Variants in SLC36A1 observed in about 807,000 individuals in gnomAD.
The protein encoded by SLC36A1 is solute carrier family 36 member 1.
A neutral mutation model predicts 47.5 loss-of-function variants in SLC36A1; 30 were observed. That is an observed-to-expected ratio of 0.63 (90% confidence interval 0.47 to 0.86). SLC36A1 has a LOEUF of 0.86. Ranked by LOEUF, SLC36A1 falls within the 40% of genes least tolerant of loss-of-function variation. The pLI is 0.00. For synonymous variants in SLC36A1, 255 were observed against 249.7 expected (o/e 1.02, Z -0.20); for missense variants, 517 against 606.0 (o/e 0.85, Z 1.54).
At chr5:151,528,123 G>A in the SLC36A1 span, 1 of 1,613,994 alleles carries the variant, frequency 6.2e-7, no homozygotes, top group Non-Finnish European at 8.5e-7. Context: ...ATCTTCATCA[G>A]TCGCTGATAC....
intron 10 of SLC36A1, among the ~76,000 whole-genome samples, chr5:151,483,932 G>T (rs1204475350): frequency 6.6e-6 from 1 of 152,200 alleles, no homozygotes; most frequent in Non-Finnish European, 1.5e-5. Flanking sequence ...GCTTTAAGAG[G>T]AGAGAAATGT....
At chr5:151,419,224 A>G in the SLC36A1 span, among the ~76,000 whole-genome samples, 2 of 152,236 alleles carry the variant, frequency 1.3e-5, no homozygotes, top group Admixed American at 1.3e-4. Context: ...CTAATACACC[A>G]GGAGTTGACC....
At chr5:151,540,216 C>A in the SLC36A1 span, among the ~76,000 whole-genome samples, 508 of 152,260 alleles carry the variant, frequency 3.3e-3, 2 homozygotes, top group African/African-American at 0.011. Flanking sequence ...CTTGGTATAT[C>A]CCTATGGGGG....
chr5:151,534,710 A>G, the SLC36A1 span: 2 of 1,388,634 alleles, frequency 1.4e-6, no homozygotes, highest in Non-Finnish European at 2.0e-6. Flanking sequence ...TGCCCTCTAT[A>G]TATCTACAGG....
chr5:151,488,225 T>G lies in SLC36A1; in HGVS notation c.1402T>G (p.Phe468Val). Residue 468 changes from phenylalanine to valine, a missense_variant, in exon 11 of 11, where the codon TTC becomes GTC. Phe to Val is a conservative substitution (Grantham distance 50, BLOSUM62 -1). Transcript: ENST00000243389. ...GATCCAGCCAAGCAATGCTCCCATC[T>G]TCATCAATTCCACCTGTGCCTTCAT... ...ELIQPSNAPI[F>V]INSTCAFI The G allele has an allele frequency of 6.2e-7, 1 of 1,614,142 alleles. No individual in the cohort carries two copies. The highest frequency in any genetic ancestry group is 1.1e-5 in the South Asian group (1 of 91,080).
intron 10 of SLC36A1, among the ~76,000 whole-genome samples, chr5:151,484,117 C>T (rs1170287974): frequency 1.3e-5 from 2 of 152,138 alleles, no homozygotes; most frequent in Admixed American, 1.3e-4. Context: ...ACTTAACTCC[C>T]ACCACAGAGT....
At chr5:151,454,655 C>G (rs577661872) in intron 1 of SLC36A1, among the ~76,000 whole-genome samples, 98 of 151,564 alleles carry the variant, frequency 6.5e-4, no homozygotes, top group Middle Eastern at 3.5e-3. Context: ...ACGTACTGAT[C>G]CTAGCCCTGC....
At chr5:151,380,366 G>A in the SLC36A1 span, 2 of 331,092 alleles carry the variant, frequency 6.0e-6, no homozygotes, top group South Asian at 5.6e-5. Flanking sequence ...CACAGTTGTG[G>A]GGCGAGGACC....
the SLC36A1 span, among the ~76,000 whole-genome samples, chr5:151,415,477 C>A: frequency 3.9e-5 from 6 of 152,244 alleles, no homozygotes; most frequent in South Asian, 8.3e-4. Flanking sequence ...TTCTTCCTAC[C>A]CCTCTTCAAA....
At chr5:151,500,411 AG>A in the SLC36A1 span, among the ~76,000 whole-genome samples, 2 of 152,194 alleles carry the variant, frequency 1.3e-5, no homozygotes, top group South Asian at 4.1e-4. Flanking sequence ...TCTGTCACCC[AG>A]GCTGGAGTGC....
the SLC36A1 span, chr5:151,544,347 G>A: frequency 3.7e-6 from 6 of 1,614,196 alleles, no homozygotes; most frequent in Non-Finnish European, 4.2e-6. Flanking sequence ...CCTCCACTAG[G>A]ACTTCCACTG....
the SLC36A1 span, chr5:151,511,366 G>A: frequency 6.6e-6 from 1 of 151,980 alleles, no homozygotes; most frequent in Non-Finnish European, 1.5e-5. Flanking sequence ...CACAGGAACC[G>A]CTCATGTTGC....
At chr5:151,464,318 T>C (rs1331038003) in intron 3 of SLC36A1, among the ~76,000 whole-genome samples, 196 bp from the exon 4 acceptor site, 4 of 152,238 alleles carry the variant, frequency 2.6e-5, no homozygotes, top group African/African-American at 9.6e-5. Context: ...GAAAATGTGC[T>C]AAAGTTCAGA....
chr5:151,425,744 C>T, the SLC36A1 span, among the ~76,000 whole-genome samples: 3 of 151,876 alleles, frequency 2.0e-5, no homozygotes, highest in Admixed American at 1.3e-4. Flanking sequence ...GAACACAGGC[C>T]GTATTTGGAC....
chr5:151,504,992 G>C, the SLC36A1 span: 1 of 155,058 alleles, frequency 6.4e-6, no homozygotes, highest in Non-Finnish European at 1.4e-5. Context: ...ACGTGGAGCA[G>C]ACACTTGACA....
chr5:151,479,519 GT>G, intron 10 of SLC36A1, 30 bp downstream of exon 10: 1 of 1,600,540 alleles, frequency 6.2e-7, no homozygotes, highest in Non-Finnish European at 8.5e-7. Flanking sequence ...TGCCTTGCTT[GT>G]TTTTCCCTAA....
At chr5:151,401,828 G>A in the SLC36A1 span, among the ~76,000 whole-genome samples, 104 of 152,282 alleles carry the variant, frequency 6.8e-4, 1 homozygote, top group East Asian at 0.019. Context: ...CATTATCAAT[G>A]TATAGAAATG....
At chr5:151,423,893 G>A in the SLC36A1 span, among the ~76,000 whole-genome samples, 1 of 152,002 alleles carries the variant, frequency 6.6e-6, no homozygotes, top group South Asian at 2.1e-4. Flanking sequence ...GTAGGGAGAG[G>A]GTATATGGGA....
the SLC36A1 span, among the ~76,000 whole-genome samples, chr5:151,399,820 T>G: frequency 6.6e-6 from 1 of 152,210 alleles, no homozygotes; most frequent in African/African-American, 2.4e-5. Flanking sequence ...ATTAGCATAT[T>G]CTGCATACAC....
Sources: gnomAD v4.1 joint callset for allele counts (sites outside exome capture counted in the v4.1 genomes callset) on GRCh38, gnomAD v4.1.1 for gene constraint, MANE v1.5 for transcripts, NCBI Gene and HGNC (gene_info 2026-07-23, HGNC 2026-07-21) for gene names.